Variants in ACOXL observed in about 807,000 individuals in gnomAD.
The protein encoded by ACOXL is acyl-coenzyme A oxidase-like protein.
A neutral mutation model predicts 71.9 loss-of-function variants in ACOXL; 70 were observed. The observed-to-expected ratio is 0.97, with a 90% CI of 0.80 to 1.19. ACOXL has a LOEUF of 1.19. Among genes scored for constraint, ACOXL ranks in the 50% most tolerant of loss-of-function variants. ACOXL has a pLI of 0.00. For missense variants in ACOXL, 703 were observed against 736.3 expected (o/e 0.95, Z 0.52); for synonymous variants, 253 against 281.6 (o/e 0.90, Z 1.02).
intron 16 of ACOXL, among the ~76,000 whole-genome samples, chr2:111,083,575 T>C (rs75227792): frequency 1.3e-5 from 2 of 151,970 alleles, no homozygotes; most frequent in East Asian, 3.9e-4. Flanking sequence ...TTTTTTTTTT[T>C]GAATAGTCAC....
At chr2:110,890,356 C>T (rs1697796629) in intron 10 of ACOXL, among the ~76,000 whole-genome samples, 1 of 152,100 alleles carries the variant, frequency 6.6e-6, no homozygotes, top group Admixed American at 6.6e-5. Flanking sequence ...CTTATCTTTG[C>T]TTTTGGTATC....
intron 15 of ACOXL, among the ~76,000 whole-genome samples, chr2:111,047,584 T>C (rs917625636): frequency 1.3e-5 from 2 of 152,084 alleles, no homozygotes; most frequent in African/African-American, 4.8e-5. Context: ...GGGAGAGAGG[T>C]CTTGCCTCCA....
At chr2:110,943,071 GGAA>G (rs1162960660) in intron 12 of ACOXL, among the ~76,000 whole-genome samples, 30 of 102,278 alleles carry the variant, frequency 2.9e-4, no homozygotes, top group African/African-American at 1.1e-3. Context: ...GAAGAAGGAA[GGAA>G]GAAAAGAAGA....
chr2:110,750,330 ACAATCT>A (rs1678759848), intron 1 of ACOXL, among the ~76,000 whole-genome samples: 1 of 152,140 alleles, frequency 6.6e-6, no homozygotes, highest in Admixed American at 6.5e-5. Context: ...ATTTTGGGTT[ACAATCT>A]AACAGCACAT....
chr2:110,746,941 T>G (rs1678309024), intron 1 of ACOXL, among the ~76,000 whole-genome samples: 1 of 152,040 alleles, frequency 6.6e-6, no homozygotes, highest in Non-Finnish European at 1.5e-5. Flanking sequence ...AGGTCATAAG[T>G]CAAATGTACT....
At chr2:111,095,222 GAAA>G (rs5833386) in intron 17 of ACOXL, among the ~76,000 whole-genome samples, 2 of 140,294 alleles carry the variant, frequency 1.4e-5, no homozygotes, top group Non-Finnish European at 3.1e-5. Context: ...TTTTTAATTA[GAAA>G]AAAAAAAAAA....
intron 14 of ACOXL, among the ~76,000 whole-genome samples, chr2:111,025,991 GTTTTA>G (rs2065002247): frequency 6.6e-6 from 1 of 152,072 alleles, no homozygotes; most frequent in Non-Finnish European, 1.5e-5. Context: ...ATGTTCAATT[GTTTTA>G]GTGCCATTTG....
chr2:110,833,388 C>G (rs1690069973), intron 9 of ACOXL, among the ~76,000 whole-genome samples: 1 of 152,162 alleles, frequency 6.6e-6, no homozygotes, highest in Non-Finnish European at 1.5e-5. Context: ...AAACGGAGAG[C>G]AGATTAGCGG....
At chr2:110,784,851 A>G in intron 3 of ACOXL, 36 bp downstream of exon 3, 1 of 1,559,930 alleles carries the variant, frequency 6.4e-7, no homozygotes, top group East Asian at 2.3e-5. Context: ...TCATGAATGC[A>G]TGCTCGCTTT....
intron 11 of ACOXL, among the ~76,000 whole-genome samples, chr2:110,909,135 T>C (rs112767184): frequency 6.6e-6 from 1 of 152,224 alleles, no homozygotes; most frequent in South Asian, 2.1e-4. Flanking sequence ...ATCTTGATTG[T>C]CTCTATATTC....
chr2:110,802,801 G>A (rs1245001223), intron 8 of ACOXL, among the ~76,000 whole-genome samples: 1 of 152,170 alleles, frequency 6.6e-6, no homozygotes. Flanking sequence ...GAAGAAATAA[G>A]TTCTGGTGTG....
intron 14 of ACOXL, among the ~76,000 whole-genome samples, chr2:111,006,949 C>CT (rs11452603): frequency 0.81 from 123,309 of 152,102 alleles, 50,279 homozygotes; most frequent in Middle Eastern, 0.91. Flanking sequence ...CTTTCTCCAT[C>CT]TTTTTTCTCA....
intron 1 of ACOXL, among the ~76,000 whole-genome samples, chr2:110,734,872 AT>A (rs970104154): frequency 1.7e-4 from 14 of 81,292 alleles, no homozygotes; most frequent in South Asian, 1.2e-3. Context: ...ATTGTCCTGG[AT>A]TTTTTTTTCC....
intron 9 of ACOXL, among the ~76,000 whole-genome samples, chr2:110,818,143 C>T (rs1469717509): frequency 6.6e-6 from 1 of 151,612 alleles, no homozygotes; most frequent in African/African-American, 2.4e-5. Flanking sequence ...GCCTGTAATC[C>T]CAGCACTTTG....
chr2:110,897,197 A>G (rs905286685), intron 10 of ACOXL, among the ~76,000 whole-genome samples: 1 of 152,232 alleles, frequency 6.6e-6, no homozygotes, highest in Admixed American at 6.5e-5. Context: ...CTGAAAATAT[A>G]TATCAAAAAT....
At chr2:111,073,771 A>G (rs1430753298) in intron 16 of ACOXL, among the ~76,000 whole-genome samples, 1 of 152,170 alleles carries the variant, frequency 6.6e-6, no homozygotes, top group Admixed American at 6.6e-5. Context: ...AAATTTTAGA[A>G]TCATTTTGTC....
chr2:110,869,553 C>A (rs557317283), intron 10 of ACOXL, among the ~76,000 whole-genome samples: 1 of 152,302 alleles, frequency 6.6e-6, no homozygotes, highest in South Asian at 2.1e-4. Flanking sequence ...CTCTCCAGCG[C>A]TGGGGCTCGC....
At chr2:110,929,334 C>T (rs34966396) in intron 11 of ACOXL, among the ~76,000 whole-genome samples, 11,982 of 152,152 alleles carry the variant, frequency 0.079, 675 homozygotes, top group Middle Eastern at 0.14. Context: ...CATTTTGCCC[C>T]GGCCCTAGAG....
Position 110,950,088 on chromosome 2 carries a change from A to G in ACOXL, c.1059+16446A>G, listed in dbSNP as rs369203321. Among the ~76,000 whole-genome samples, 6 of 152,040 alleles carry G rather than the reference A, an allele frequency of 3.9e-5. No homozygotes were observed. In the East Asian group the frequency reaches 9.6e-4, roughly 24 times the overall value. The stretch of plus-strand genomic sequence containing the variant: ...TATTATACTTTAAGTTTTAGGGTAC[A>G]TGTGCACAATGTGCAGGTTAGTTAC... On this transcript the variant is annotated intron_variant, in intron 12 of 17. Transcript: ENST00000439055.
Sources: gnomAD v4.1 joint callset for allele counts (sites outside exome capture counted in the v4.1 genomes callset) on GRCh38, gnomAD v4.1.1 for gene constraint, MANE v1.5 for transcripts, NCBI Gene and HGNC (gene_info 2026-07-23, HGNC 2026-07-21) for gene names.